The following SYT16 variants were observed in gnomAD, a reference collection of about 807,000 sequenced individuals.
SYT16 encodes the protein synaptotagmin-16.
Under a neutral mutation model 61.4 loss-of-function variants are expected in SYT16, and 42 were observed. That is an observed-to-expected ratio of 0.68 (90% CI 0.53 to 0.89). The LOEUF is 0.89. SYT16 is among the 40% of genes least tolerant of loss of function. The probability of loss-of-function intolerance (pLI) is 0.00; values close to 1 mark genes in which losing one functional copy is unlikely to be tolerated. For synonymous variants in SYT16, 314 were observed against 302.3 expected (o/e 1.04, Z -0.40); for missense variants, 804 against 807.3 (o/e 1.00, Z 0.05).
At chr14:62,011,573 A>G (rs944838163) in intron 3 of SYT16, among the ~76,000 whole-genome samples, 2 of 152,050 alleles carry the variant, frequency 1.3e-5, no homozygotes, top group Non-Finnish European at 2.9e-5. Context: ...TGGGGTAGAG[A>G]GCTTTTCCAG....
chr14:61,949,319 A>G (rs565667959), intron 1 of SYT16, among the ~76,000 whole-genome samples: 2 of 152,234 alleles, frequency 1.3e-5, no homozygotes, highest in Non-Finnish European at 2.9e-5. Flanking sequence ...CTCACAGCCA[A>G]GTACTCTTTT....
chr14:61,913,613 G>C (rs1270924306), intron 1 of SYT16, among the ~76,000 whole-genome samples: 1 of 151,936 alleles, frequency 6.6e-6, no homozygotes, highest in Non-Finnish European at 1.5e-5. Flanking sequence ...ATACTCTGCT[G>C]TAATGATTAT....
At chr14:61,921,779 G>A (rs2049343982) in intron 1 of SYT16, among the ~76,000 whole-genome samples, 1 of 152,194 alleles carries the variant, frequency 6.6e-6, no homozygotes, top group African/African-American at 2.4e-5. Context: ...GAGTGGACAG[G>A]TAGCAGGCTG....
At chr14:61,813,714 T>C (rs1042985648) in intron 1 of SYT16, among the ~76,000 whole-genome samples, 7 of 151,434 alleles carry the variant, frequency 4.6e-5, no homozygotes, top group Admixed American at 2.0e-4. Flanking sequence ...TGCTGTGAGC[T>C]ATGACCCTGC....
intron 1 of SYT16, among the ~76,000 whole-genome samples, chr14:61,954,240 A>G (rs2050781550): frequency 1.3e-5 from 2 of 151,300 alleles, no homozygotes; most frequent in Non-Finnish European, 2.9e-5. Flanking sequence ...TTTGTTAAAT[A>G]AACTTTCAGC....
At position 61,995,890 on chromosome 14, in the gene SYT16, A is replaced by G; in HGVS notation, c.-130A>G. 1 of 910,352 alleles carries G rather than the reference A, an allele frequency of 1.1e-6. No individual in the cohort carries two copies. Among genetic ancestry groups the G allele is most frequent in the Non-Finnish European group, 1.6e-6 (1 of 628,316 alleles). 56.4% of individuals were successfully genotyped at this position (910,352 alleles called of 1,614,324 possible). ...CTCTGTTTCAGCTGGAAGTTTTGAG[A>G]GTGAAATATTCACAGCCATTAAGAG... On this transcript the variant is annotated 5_prime_UTR_variant, in exon 3 of 8. Coordinates refer to ENST00000683842, the MANE Select transcript of SYT16 (RefSeq NM_001367656.1).
At chr14:62,083,136 A>G (rs1399400040) in intron 6 of SYT16, among the ~76,000 whole-genome samples, 3 of 103,638 alleles carry the variant, frequency 2.9e-5, no homozygotes, top group Non-Finnish European at 6.0e-5. Context: ...ACTATGTTCC[A>G]TACAGCCTCA....
chr14:61,904,390 G>A (rs573953582), intron 1 of SYT16, among the ~76,000 whole-genome samples: 4 of 152,318 alleles, frequency 2.6e-5, no homozygotes, highest in Non-Finnish European at 5.9e-5. Flanking sequence ...GAGCAGCTCA[G>A]TGTAATGTGA....
At chr14:61,815,966 A>G (rs1373496986) in intron 1 of SYT16, among the ~76,000 whole-genome samples, 2 of 152,218 alleles carry the variant, frequency 1.3e-5, no homozygotes, top group Non-Finnish European at 2.9e-5. Flanking sequence ...TCAGCCAGGC[A>G]TGTTTAGGTA....
Position 62,075,300 on chromosome 14 carries a change from C to T in SYT16, c.902C>T (p.Thr301Ile). Residue 301 changes from threonine to isoleucine, a missense_variant, in exon 5 of 8, where the codon ACA becomes ATA. Physicochemically the swap from Thr to Ile is moderately conservative, Grantham distance 89. Coordinates refer to ENST00000683842, the MANE Select transcript of SYT16 (RefSeq NM_001367656.1). ...SVVQSLRRQS[T>I]EGSLEMETAF... is the part of the protein sequence containing the mutation. ...GTCCAAAGCCTCAGGCGCCAATCCA[C>T]AGAGGGCAGCTTGGAGATGGAGACA... 6.2e-7 allele frequency: 1 copy of T among 1,613,894 alleles called. No homozygotes were observed. Among genetic ancestry groups the T allele is most frequent in the Non-Finnish European group, 8.5e-7 (1 of 1,179,856 alleles).
intron 1 of SYT16, among the ~76,000 whole-genome samples, chr14:61,820,048 C>T (rs2045564725): frequency 6.6e-6 from 1 of 152,186 alleles, no homozygotes; most frequent in Non-Finnish European, 1.5e-5. Flanking sequence ...TCATTGATTC[C>T]ATTTTTTGTG....
At chr14:61,947,080 G>A (rs921355684) in intron 1 of SYT16, among the ~76,000 whole-genome samples, 9 of 152,078 alleles carry the variant, frequency 5.9e-5, no homozygotes, top group African/African-American at 2.2e-4. Flanking sequence ...TTGGTTGGGA[G>A]GAGAGTACTA....
chr14:61,837,233 ATTT>A (rs1237212390), intron 1 of SYT16, among the ~76,000 whole-genome samples: 10 of 122,798 alleles, frequency 8.1e-5, no homozygotes, highest in Admixed American at 8.4e-5. Flanking sequence ...GCAGAGGCTG[ATTT>A]TTTTTTTTTT....
chr14:61,842,160 A>G (rs1019530948), intron 1 of SYT16, among the ~76,000 whole-genome samples: 2 of 152,244 alleles, frequency 1.3e-5, no homozygotes, highest in East Asian at 1.9e-4. Context: ...ACCATCAAAC[A>G]TTAATCCTTT....
intron 1 of SYT16, among the ~76,000 whole-genome samples, chr14:61,895,868 T>G (rs2048306279): frequency 6.6e-6 from 1 of 152,156 alleles, no homozygotes; most frequent in South Asian, 2.1e-4. Flanking sequence ...TAAATATTAG[T>G]TATTTAGGAA....
intron 3 of SYT16, among the ~76,000 whole-genome samples, chr14:62,057,052 G>A (rs749192821): frequency 2.6e-5 from 4 of 152,278 alleles, no homozygotes; most frequent in Middle Eastern, 3.4e-3. Context: ...CAAAGCCCAG[G>A]CCGTGCAAAG....
At position 61,996,188 on chromosome 14, in the gene SYT16, T is replaced by A; in HGVS notation, c.169T>A (p.Leu57Ile). ...SKLSDKLDQD[L>I]DNIQIQETYF... ...ATTGAGTGACAAACTAGATCAGGAC[T>A]TAGATAATATTCAGATTCAGGAAAC... Residue 57 changes from leucine (L) to isoleucine (I), a missense_variant, in exon 3 of 8, where the codon TTA becomes ATA. Transcript: ENST00000683842. 1 of 1,613,424 alleles carries A rather than the reference T, an allele frequency of 6.2e-7. No individual in the cohort carries two copies.
chr14:62,068,675 A>G (rs2056165920), intron 3 of SYT16, among the ~76,000 whole-genome samples: 2 of 152,128 alleles, frequency 1.3e-5, no homozygotes, highest in Non-Finnish European at 2.9e-5. Context: ...CATGTTGTAA[A>G]CCTCAAATAT....
intron 1 of SYT16, among the ~76,000 whole-genome samples, chr14:61,853,737 T>A (rs1306589958): frequency 6.6e-6 from 1 of 152,132 alleles, no homozygotes; most frequent in African/African-American, 2.4e-5. Flanking sequence ...GACACTTACA[T>A]GTTGCAAATG....
Sources: gnomAD v4.1 joint callset for allele counts (sites outside exome capture counted in the v4.1 genomes callset) on GRCh38, gnomAD v4.1.1 for gene constraint, MANE v1.5 for transcripts, NCBI Gene and HGNC (gene_info 2026-07-23, HGNC 2026-07-21) for gene names.